Variants in BNIP5 observed in about 807,000 individuals in gnomAD.
BNIP5 encodes BCL2 interacting protein 5.
BNIP5 carries 61 observed loss-of-function variants against 67.3 expected under a neutral mutation model. The ratio of observed to expected loss-of-function variants is 0.91; its 90% confidence interval spans 0.74 to 1.12. The LOEUF (loss-of-function observed/expected upper bound fraction) is 1.12. BNIP5 is among the 50% of genes most tolerant of loss of function. The pLI, the probability that BNIP5 is intolerant of heterozygous loss-of-function variation, is 0.00. For missense variants in BNIP5, 826 were observed against 816.3 expected, an observed-to-expected ratio of 1.01 and a Z score of -0.14; for synonymous variants, 317 against 319.0, an observed-to-expected ratio of 0.99 and a Z score of 0.07.
At chr6:36,334,082 C>T (rs968742794) in intron 1 of BNIP5, among the ~76,000 whole-genome samples, 1 of 152,234 alleles carries the variant, frequency 6.6e-6, no homozygotes, top group Non-Finnish European at 1.5e-5. Flanking sequence ...TTCGCCATTG[C>T]CAATGGCAGC....
intron 8 of BNIP5, 26 bp downstream of exon 8, chr6:36,323,267 A>T (rs1350844240): frequency 6.2e-7 from 1 of 1,613,500 alleles, no homozygotes; most frequent in South Asian, 1.1e-5. Context: ...AGCCTCTGTT[A>T]CCATGGCAAC....
intron 2 of BNIP5, 96 bp downstream of exon 2, chr6:36,329,985 G>T (rs966555255): frequency 1.2e-5 from 17 of 1,393,798 alleles, no homozygotes; most frequent in Non-Finnish European, 1.6e-5. Context: ...GCCCCTGACA[G>T]CTCCCCCGAC....
At position 36,319,416 on chromosome 6, in the gene BNIP5, G is replaced by T. The variant is rs1036512451; in HGVS notation, c.1863C>A (p.Ile621=). 2.5e-6 allele frequency: 4 copies of T among 1,613,948 alleles called. No individual in the cohort carries two copies. Among genetic ancestry groups the T allele is most frequent in the Non-Finnish European group, 3.4e-6 (4 of 1,179,936 alleles). The change falls in exon 11 of 12, where the codon ATC becomes ATA. Residue 621 remains isoleucine, a synonymous_variant. Transcript: ENST00000437635. ...FAGSNSHAMC[I]LMGLRDHYNC... ...TGTAGTGGTCTCTTAGGCCCATGAG[G>T]ATGCACATGGCATGGCTGTTGCTGC...
rs776491479 is a variant in BNIP5 at position 36,326,707 on chromosome 6, G to C, written c.839C>G (p.Pro280Arg). 1.9e-6 allele frequency: 3 copies of C among 1,614,138 alleles called. No homozygotes were observed. Among genetic ancestry groups the C allele is most frequent in the African/African-American group, 1.3e-5 (1 of 74,948 alleles). ...CTCTTGGGATTTCTTCCTAACAGCT[G>C]GTGCTGGGTTTGGCAGGGCCACCCC... ...QLGVALPNPA[P>R]AVRKKSQEKK... The change falls in exon 5 of 12, where the codon CCA (proline) becomes CGA (arginine). Residue 280 changes from proline (P) to arginine (R), a missense_variant. Coordinates refer to ENST00000437635, the MANE Select transcript of BNIP5 (RefSeq NM_001010903.5).
At chr6:36,321,302 C>T (rs1001223243) in intron 9 of BNIP5, 83 bp from the exon 10 acceptor site, 2 of 929,508 alleles carry the variant, frequency 2.2e-6, no homozygotes, top group Non-Finnish European at 3.5e-6. Context: ...TGCAACAATA[C>T]ATCCACCTGT....
Position 36,323,275 on chromosome 6 carries a change from A to G in BNIP5, c.1471+18T>C. The G allele has an allele frequency of 1.2e-6, 2 of 1,613,790 alleles. No homozygotes were observed. The highest frequency in any genetic ancestry group is 1.7e-6 in the Non-Finnish European group (2 of 1,179,828). Reference sequence around the variant, plus strand: ...AAGAGGAAGCCTCTGTTACCATGGCAACACCAGGCCTGCTCACCAAGGCTG... The same window carrying G: ...AAGAGGAAGCCTCTGTTACCATGGCGACACCAGGCCTGCTCACCAAGGCTG... On this transcript the variant is annotated intron_variant, in intron 8 of 11. Transcript: ENST00000437635.
intron 1 of BNIP5, 50 bp from the exon 2 acceptor site, chr6:36,330,744 A>ATTTG (rs572213877): frequency 4.3e-5 from 65 of 1,509,432 alleles, no homozygotes; most frequent in Admixed American, 2.5e-4. Flanking sequence ...GTTTGTTTTG[A>ATTTG]TTTGTTTGTT....
chr6:36,324,285 G>A, intron 6 of BNIP5, 95 bp from the exon 7 acceptor site: 1 of 1,102,540 alleles, frequency 9.1e-7, no homozygotes, highest in Non-Finnish European at 1.4e-6. Context: ...CTCCCTGGGT[G>A]ATTCTCCAAG....
At chr6:36,325,252 G>A (rs775446270) in intron 6 of BNIP5, 31 bp downstream of exon 6, 2 of 1,611,912 alleles carry the variant, frequency 1.2e-6, no homozygotes, top group Admixed American at 3.3e-5. Flanking sequence ...GTTTTGCAAG[G>A]GGTGTCTGAG....
intron 1 of BNIP5, among the ~76,000 whole-genome samples, chr6:36,331,956 A>G (rs1771916918): frequency 6.6e-6 from 1 of 152,060 alleles, no homozygotes; most frequent in Non-Finnish European, 1.5e-5. Context: ...CTGAGCTGTT[A>G]CCACCACCTC....
In BNIP5 at chr6:36,325,336, G is replaced by A; in HGVS notation, c.1115C>T (p.Ser372Leu). Residue 372 changes from serine to leucine, a missense_variant, in exon 6 of 12, where the codon TCA (serine) becomes TTA (leucine). Coordinates refer to ENST00000437635, the MANE Select transcript of BNIP5 (RefSeq NM_001010903.5). ...APGPSVLPTP[S>L]ESQEPGEELP... ...CTCCTCTCCAGGTTCCTGGCTCTCT[G>A]ATGGGGTGGGAAGCACGGAGGGACC... 2 of 1,614,174 alleles carry A rather than the reference G, an allele frequency of 1.2e-6. No individual in the cohort carries two copies. Among genetic ancestry groups the A allele is most frequent in the Non-Finnish European group, 1.7e-6 (2 of 1,179,984 alleles).
chr6:36,320,975 A>C (rs1281908105), intron 10 of BNIP5, among the ~76,000 whole-genome samples, 180 bp downstream of exon 10: 1 of 152,234 alleles, frequency 6.6e-6, no homozygotes, highest in Non-Finnish European at 1.5e-5. Context: ...GGCGTTTTCT[A>C]CATATGCACT....
At chr6:36,322,279 G>C in intron 9 of BNIP5, 32 bp downstream of exon 9, 1 of 1,613,426 alleles carries the variant, frequency 6.2e-7, no homozygotes, top group Non-Finnish European at 8.5e-7. Flanking sequence ...CACCCGGGAA[G>C]CTGTCCAGGT....
At chr6:36,323,248 C>G in intron 8 of BNIP5, 45 bp downstream of exon 8, 2 of 1,610,932 alleles carry the variant, frequency 1.2e-6, no homozygotes, top group Non-Finnish European at 1.7e-6. Flanking sequence ...GCAGCCTTGC[C>G]CAAGAGGAAG....
intron 1 of BNIP5, among the ~76,000 whole-genome samples, chr6:36,330,984 G>A (rs1353948923): frequency 6.6e-6 from 1 of 152,132 alleles, no homozygotes; most frequent in African/African-American, 2.4e-5. Context: ...GGTTGGTCTT[G>A]AACTCCCGAC....
rs1028079934 is a variant in BNIP5 at position 36,329,815 on chromosome 6, AAAAG to A, written c.610+262_610+265del. 1.4e-4 allele frequency among the ~76,000 whole-genome samples: 21 copies of A among 152,000 alleles called. No individual in the cohort carries two copies. In the East Asian group the frequency reaches 3.7e-3, roughly 27 times the overall value. On this transcript the variant is annotated intron_variant, in intron 2 of 11. Coordinates refer to ENST00000437635, the MANE Select transcript of BNIP5 (RefSeq NM_001010903.5). ...GACAGAGGCTCCATCTCAAAAAGAA[AAAAG>A]AAAGAAAGGAAGAGAGAGAGAGAAA...
chr6:36,330,582 G>A lies in BNIP5; in HGVS notation c.109C>T (p.Leu37Phe). 1 of 1,613,276 alleles carries A rather than the reference G, an allele frequency of 6.2e-7. No homozygotes were observed. The highest frequency in any genetic ancestry group is 8.5e-7 in the Non-Finnish European group (1 of 1,180,032). ...KGSESWDCHW[L>F]SLPTAPSRKA... ...CTGGAGGGGGCAGTGGGCAGGGAGA[G>A]CCAATGGCAGTCCCACGACTCCGAG... is the stretch of plus-strand genomic sequence containing the variant. The change falls in exon 2 of 12, where the codon CTC (leucine) becomes TTC (phenylalanine). Residue 37 changes from leucine (L) to phenylalanine (F), a missense_variant. Physicochemically the swap from Leu to Phe is conservative, Grantham distance 22. Coordinates refer to ENST00000437635, the MANE Select transcript of BNIP5 (RefSeq NM_001010903.5).
chr6:36,325,295 C>T lies in BNIP5; in HGVS notation c.1156G>A (p.Ala386Thr), dbSNP rs538204185. Residue 386 changes from alanine to threonine, a missense_variant, in exon 6 of 12, where the codon GCC (alanine) becomes ACC (threonine). Physicochemically the swap from Ala to Thr is moderately conservative, Grantham distance 58 (BLOSUM62 0). Transcript: ENST00000437635. ...GAGGAGTACTGACTGTATTCCGAGG[C>T]TCTGTCCAGCGGAAGCTCCTCTCCA... ...EPGEELPLDR[A>T]SEYKEFIQKI... 2.5e-6 allele frequency: 4 copies of T among 1,614,184 alleles called. No homozygotes were observed. In the South Asian group the frequency reaches 4.4e-5, roughly 18 times the overall value.
chr6:36,323,221 G>A (rs922714119), intron 8 of BNIP5, 72 bp downstream of exon 8: 11 of 1,590,146 alleles, frequency 6.9e-6, no homozygotes, highest in East Asian at 2.2e-5. Flanking sequence ...GCCTGTCAAC[G>A]ACAGACAGGC....
Sources: allele counts gnomAD v4.1 joint callset (sites outside exome capture counted in the v4.1 genomes callset), GRCh38; gene constraint gnomAD v4.1.1; transcripts MANE v1.5; gene names NCBI Gene and HGNC (gene_info 2026-07-23, HGNC 2026-07-21).